Variants in PCDHA3 observed in about 807,000 individuals in gnomAD.
PCDHA3 encodes the protein protocadherin alpha-3.
PCDHA3 carries 41 observed loss-of-function variants against 62.2 expected under a neutral mutation model. The ratio of observed to expected loss-of-function variants is 0.66; its 90% CI spans 0.51 to 0.86. The LOEUF (loss-of-function observed/expected upper bound fraction) is 0.86, where lower values mean the gene tolerates loss of function less well. Ranked by LOEUF, PCDHA3 falls within the 40% of genes least tolerant of loss-of-function variation. The pLI is 0.00. For synonymous variants in PCDHA3, 640 were observed against 555.4 expected (o/e 1.15, Z -2.14); for missense variants, 1,304 against 1,241.2 (o/e 1.05, Z -0.76).
chr5:140,843,329 G>A, intron 1 of PCDHA3: 3 of 1,596,060 alleles, frequency 1.9e-6, no homozygotes, highest in Non-Finnish European at 2.6e-6. Flanking sequence ...GGTGTCGCTG[G>A]TGGAGAGCGG....
chr5:140,805,863 G>A (rs1030165), intron 1 of PCDHA3, among the ~76,000 whole-genome samples: 87,659 of 151,856 alleles, frequency 0.58, 25,928 homozygotes, highest in African/African-American at 0.7. Flanking sequence ...TTAAATTAAT[G>A]CATTTTATTA....
intron 1 of PCDHA3, among the ~76,000 whole-genome samples, chr5:140,888,588 C>G (rs1419931317): frequency 6.6e-6 from 1 of 152,212 alleles, no homozygotes; most frequent in Non-Finnish European, 1.5e-5. Flanking sequence ...TGTTAGTACA[C>G]ATTCAGAGCA....
intron 1 of PCDHA3, among the ~76,000 whole-genome samples, chr5:140,953,598 T>C (rs1189793307): frequency 2.6e-5 from 4 of 152,188 alleles, no homozygotes; most frequent in South Asian, 2.1e-4. Context: ...CTTTTGTTTA[T>C]TCCCCAGAGT....
At chr5:140,862,919 T>C (rs782169280) in intron 1 of PCDHA3, 73 of 546,740 alleles carry the variant, frequency 1.3e-4, no homozygotes, top group Non-Finnish European at 2.4e-4. Flanking sequence ...GCGCCTTGGG[T>C]GGGCTGGCGG....
chr5:140,836,185 C>T, intron 1 of PCDHA3: 1 of 1,613,828 alleles, frequency 6.2e-7, no homozygotes, highest in Non-Finnish European at 8.5e-7. Context: ...GACGCTGACT[C>T]AGGCTACAAC....
intron 3 of PCDHA3, among the ~76,000 whole-genome samples, chr5:141,008,057 C>T (rs1472919496): frequency 3.9e-5 from 6 of 152,020 alleles, no homozygotes; most frequent in African/African-American, 1.2e-4. Context: ...GGGGTCCAGT[C>T]CATCTAAGAA....
chr5:140,941,673 A>T (rs1217189957), intron 1 of PCDHA3, among the ~76,000 whole-genome samples: 1 of 152,024 alleles, frequency 6.6e-6, no homozygotes, highest in Non-Finnish European at 1.5e-5. Context: ...TGTCAAGTTC[A>T]ATATTCTGTT....
Position 140,881,317 on chromosome 5 carries a change from T to A in PCDHA3, c.2394+77726T>A, listed in dbSNP as rs2058663628. On this transcript the variant is annotated intron_variant, in intron 1 of 3. Coordinates refer to ENST00000522353, the MANE Select transcript of PCDHA3 (RefSeq NM_018906.3). ...GGAAACTTTAACCTCCTGGTTAAAT[T>A]CTATTTAACCAGGACGCCGATTCGG... 8.2e-6 allele frequency: 8 copies of A among 977,378 alleles called. No individual in the cohort carries two copies. The Admixed American group carries it at 4.9e-4, about 60-fold the overall frequency. The allele number at this position is 977,378 out of a possible 1,614,324, so 60.5% of individuals were successfully genotyped here.
At chr5:140,966,798 C>T in intron 1 of PCDHA3, 1 of 1,537,636 alleles carries the variant, frequency 6.5e-7, no homozygotes, top group Non-Finnish European at 8.7e-7. Context: ...CCTGCGGCGA[C>T]AGAGCATCCA....
intron 2 of PCDHA3, among the ~76,000 whole-genome samples, chr5:140,980,159 A>G (rs2153821002): frequency 6.6e-6 from 1 of 152,326 alleles, no homozygotes; most frequent in Admixed American, 6.5e-5. Context: ...ATACCAGAAT[A>G]TTAGGTATCA....
At position 141,010,305 on chromosome 5, in the gene PCDHA3, G is replaced by GT; in HGVS notation, c.*372dup. 1 of 1,548,478 alleles carries GT rather than the reference G, an allele frequency of 6.5e-7. No homozygotes were observed. Among genetic ancestry groups the GT allele is most frequent in the Non-Finnish European group, 8.7e-7 (1 of 1,146,036 alleles). On this transcript the variant is annotated 3_prime_UTR_variant, in exon 4 of 4. Transcript: ENST00000522353. ...TGACACTTGCAGGGCAGGCTGAAAAGTTTTGAGATTGAGCAGCTTGGGAGT... is the reference window on the plus strand; with the variant it reads ...TGACACTTGCAGGGCAGGCTGAAAAGTTTTTGAGATTGAGCAGCTTGGGAGT...
chr5:140,994,263 C>G (rs1329526022), intron 3 of PCDHA3, among the ~76,000 whole-genome samples: 1 of 152,160 alleles, frequency 6.6e-6, no homozygotes, highest in African/African-American at 2.4e-5. Flanking sequence ...ATAAGGTAAG[C>G]TAGGCTGCCT....
intron 3 of PCDHA3, among the ~76,000 whole-genome samples, chr5:140,986,896 A>G (rs1221599593): frequency 2.6e-5 from 4 of 152,184 alleles, no homozygotes; most frequent in African/African-American, 4.8e-5. Context: ...CTTAGGCCCT[A>G]TCCTAGACTA....
chr5:140,894,374 A>G (rs1449305462), intron 1 of PCDHA3, among the ~76,000 whole-genome samples: 1 of 151,940 alleles, frequency 6.6e-6, no homozygotes, highest in African/African-American at 2.4e-5. Flanking sequence ...AATGGCTCCA[A>G]TTATATTTGT....
intron 1 of PCDHA3, chr5:140,865,001 C>T (rs185152337): frequency 6.6e-6 from 1 of 152,206 alleles, no homozygotes; most frequent in East Asian, 1.9e-4. Flanking sequence ...AGTTTGAGAC[C>T]AGCCTCGGCA....
chr5:140,845,560 A>G (rs2150379954), intron 1 of PCDHA3, among the ~76,000 whole-genome samples: 47 of 149,642 alleles, frequency 3.1e-4, no homozygotes, highest in African/African-American at 1.1e-3. Context: ...GCTTTTAGCT[A>G]TTAAGAATTT....
chr5:140,937,567 G>A lies in PCDHA3; in HGVS notation c.2395-41382G>A, dbSNP rs1218260457. On this transcript the variant is annotated intron_variant, in intron 1 of 3. Transcript: ENST00000522353. ...GCGAGGCAGAGGTTGCAGTGAGCTG[G>A]GATCGCGTCACTGCACTCTAGCCTG... 1.9e-3 allele frequency among the ~76,000 whole-genome samples: 288 copies of A among 150,684 alleles called. 1 individual carries two copies. Among genetic ancestry groups the A allele is most frequent in the African/African-American group, 6.8e-3 (278 of 40,792 alleles).
At chr5:140,843,015 T>G in intron 1 of PCDHA3, 1 of 1,595,148 alleles carries the variant, frequency 6.3e-7, no homozygotes, top group Non-Finnish European at 8.6e-7. Context: ...GCGCCGGCAC[T>G]GCTGGAGCCT....
At chr5:140,874,935 G>T (rs2055180248) in intron 1 of PCDHA3, among the ~76,000 whole-genome samples, 1 of 152,168 alleles carries the variant, frequency 6.6e-6, no homozygotes, top group South Asian at 2.1e-4. Context: ...AAAAGTTATT[G>T]AAACAGCGGA....
Sources: allele counts gnomAD v4.1 joint callset (sites outside exome capture counted in the v4.1 genomes callset), GRCh38; gene constraint gnomAD v4.1.1; transcripts MANE v1.5; gene names NCBI Gene and HGNC (gene_info 2026-07-23, HGNC 2026-07-21).